GATA4: variants seen among roughly 807,000 people sequenced by gnomAD.
GATA4 encodes transcription factor GATA-4.
In GATA4, 7 loss-of-function variants were observed where a neutral mutation model predicts 37.9. The ratio of observed to expected loss-of-function variants is 0.18; its 90% CI spans 0.11 to 0.35. The LOEUF (loss-of-function observed/expected upper bound fraction) is 0.35. Ranked by LOEUF, GATA4 falls within the 10% of genes least tolerant of loss-of-function variation. The pLI is 1.00. For missense variants in GATA4, 647 were observed against 653.0 expected (o/e 0.99, Z 0.10); for synonymous variants, 372 against 292.6 (o/e 1.27, Z -2.77).
chr8:11,681,101 G>C (rs1798956007), intron 1 of GATA4: 54 of 980,130 alleles, frequency 5.5e-5, no homozygotes, highest in Non-Finnish European at 6.5e-5. Context: ...TGGCGCCCCA[G>C]GCTCGCAGGG....
chr8:11,742,631 C>A (rs1801803457), intron 2 of GATA4, among the ~76,000 whole-genome samples: 1 of 152,212 alleles, frequency 6.6e-6, no homozygotes, highest in Non-Finnish European at 1.5e-5. Flanking sequence ...TGATTTCATC[C>A]CCGGCCGGAG....
chr8:11,693,839 T>C lies in GATA4; in HGVS notation c.-729+1179T>C, dbSNP rs560894943. On this transcript the variant is annotated intron_variant, in intron 1 of 2. Coordinates refer to the GATA4 transcript ENST00000526974. ...AAAGGGCCAAGTCATAGGTTATGGG[T>C]GTGGGTGTCAGTGCATGAACAGCAC... Among the ~76,000 whole-genome samples the C allele has an allele frequency of 5.4e-4, 82 of 152,192 alleles. 3 individuals are homozygous for C. In the South Asian group the frequency reaches 0.017, roughly 31 times the overall value.
At chr8:11,698,799 G>A (rs911730782) in intron 1 of GATA4, among the ~76,000 whole-genome samples, 1 of 152,094 alleles carries the variant, frequency 6.6e-6, no homozygotes, top group African/African-American at 2.4e-5. Context: ...CCCAGGACCT[G>A]GGGACCCCGG....
At chr8:11,740,402 T>C (rs1399477931) in intron 2 of GATA4, among the ~76,000 whole-genome samples, 1 of 152,160 alleles carries the variant, frequency 6.6e-6, no homozygotes, top group Non-Finnish European at 1.5e-5. Context: ...GTATGGTAGG[T>C]CACAGGGCTC....
At chr8:11,758,018 C>T (rs748240027) in intron 6 of GATA4, among the ~76,000 whole-genome samples, 3 of 152,196 alleles carry the variant, frequency 2.0e-5, no homozygotes, top group Non-Finnish European at 4.4e-5. Context: ...CTCCTGTAAC[C>T]ATCAGAGCCT....
At chr8:11,727,108 T>C (rs1320570135) in intron 2 of GATA4, among the ~76,000 whole-genome samples, 1 of 152,216 alleles carries the variant, frequency 6.6e-6, no homozygotes, top group Admixed American at 6.5e-5. Context: ...ACAAGCTCCC[T>C]TCAGACCCTG....
chr8:11,726,091 A>C (rs1374271056), intron 2 of GATA4, among the ~76,000 whole-genome samples: 1 of 152,270 alleles, frequency 6.6e-6, no homozygotes, highest in South Asian at 2.1e-4. Flanking sequence ...ATCACCTGGT[A>C]CATACAGGAC....
chr8:11,740,859 G>A (rs895042221), intron 2 of GATA4, among the ~76,000 whole-genome samples: 4 of 151,680 alleles, frequency 2.6e-5, no homozygotes, highest in Admixed American at 6.6e-5. Context: ...TCAGCCTCCC[G>A]AGTAGCTGGA....
intron 1 of GATA4, among the ~76,000 whole-genome samples, chr8:11,678,104 C>T (rs1459983235): frequency 6.6e-6 from 1 of 151,536 alleles, no homozygotes; most frequent in Non-Finnish European, 1.5e-5. Context: ...TGAGAAGGCA[C>T]GGGTCAGTGT....
At position 11,728,774 on chromosome 8, in the gene GATA4, G is replaced by A. The variant is rs370522261; in HGVS notation, c.616+19846G>A. On this transcript the variant is annotated intron_variant, in intron 2 of 6. Transcript: ENST00000532059. ...GAGGCTGCCAAGTTGAATTAAGTGGGGTTTTATATTAGTGAGAATTTGCCT... is the reference window on the plus strand; with the variant it reads ...GAGGCTGCCAAGTTGAATTAAGTGGAGTTTTATATTAGTGAGAATTTGCCT... Among the ~76,000 whole-genome samples, 76 of 152,150 alleles carry A rather than the reference G, an allele frequency of 5.0e-4. No individual in the cohort carries two copies. In the East Asian group the frequency reaches 9.8e-3, roughly 20 times the overall value.
At chr8:11,727,245 T>C (rs1192385910) in intron 2 of GATA4, among the ~76,000 whole-genome samples, 2 of 152,176 alleles carry the variant, frequency 1.3e-5, no homozygotes, top group East Asian at 3.9e-4. Flanking sequence ...TTTCCTCCCC[T>C]GTGTAAACAC....
At chr8:11,758,135 G>A (rs1012833385) in intron 6 of GATA4, among the ~76,000 whole-genome samples, 158 bp from the exon 7 acceptor site, 3 of 152,142 alleles carry the variant, frequency 2.0e-5, no homozygotes, top group African/African-American at 7.2e-5. Context: ...CTAGATCACC[G>A]GGATCAGGAG....
At chr8:11,693,562 C>CACACACACACAG (rs1405047773) in intron 1 of GATA4, among the ~76,000 whole-genome samples, 5 of 72,146 alleles carry the variant, frequency 6.9e-5, no homozygotes, top group African/African-American at 2.5e-4. Flanking sequence ...CACACACACA[C>CACACACACACAG]AGAGAGAGAG....
At chr8:11,695,591 CAG>C (rs1395784028) in intron 1 of GATA4, among the ~76,000 whole-genome samples, 1 of 152,168 alleles carries the variant, frequency 6.6e-6, no homozygotes, top group East Asian at 1.9e-4. Context: ...ACCCTTGCCT[CAG>C]GGGAACACCT....
At chr8:11,716,751 C>A (rs1035795903) in intron 2 of GATA4, among the ~76,000 whole-genome samples, 2 of 152,206 alleles carry the variant, frequency 1.3e-5, no homozygotes, top group Non-Finnish European at 2.9e-5. Flanking sequence ...CACTAACCGG[C>A]TGCAGCGGTG....
At chr8:11,681,395 C>T (rs1454521655) in intron 1 of GATA4, 1 of 985,290 alleles carries the variant, frequency 1.0e-6, no homozygotes, top group Non-Finnish European at 1.2e-6. Context: ...GCAGACCCTT[C>T]CGGGATCACG....
rs558868351 is a variant in GATA4, at chr8:11,679,396, G to C, written c.-274+2333G>C. Among the ~76,000 whole-genome samples the C allele has an allele frequency of 4.6e-5, 7 of 152,332 alleles. No homozygotes were observed. In the South Asian group the frequency reaches 1.0e-3, roughly 23 times the overall value. On this transcript the variant is annotated intron_variant, in intron 1 of 6. Transcript: ENST00000528712. ...CGACTGTAGGTGGAGGGCGTGCGCCGCGGGACGCCCCAGCCGGGTCTGATA... is the reference window on the plus strand; with the variant it reads ...CGACTGTAGGTGGAGGGCGTGCGCCCCGGGACGCCCCAGCCGGGTCTGATA...
intron 2 of GATA4, among the ~76,000 whole-genome samples, chr8:11,748,173 G>A (rs893180185): frequency 3.9e-5 from 6 of 152,178 alleles, no homozygotes; most frequent in South Asian, 4.1e-4. Context: ...AGCTGAGATC[G>A]CACCATTGCA....
chr8:11,694,264 TTC>T, intron 1 of GATA4, among the ~76,000 whole-genome samples: 1 of 152,362 alleles, frequency 6.6e-6, no homozygotes, highest in Admixed American at 6.5e-5. Context: ...ATTCGAATAA[TTC>T]TGGATCAGAG....
Sources: allele counts gnomAD v4.1 joint callset (sites outside exome capture counted in the v4.1 genomes callset), GRCh38; gene constraint gnomAD v4.1.1; transcripts MANE v1.5; gene names NCBI Gene and HGNC (gene_info 2026-07-23, HGNC 2026-07-21).